ARHGEF10: variants seen among roughly 807,000 people sequenced by gnomAD.
The protein encoded by ARHGEF10 is Rho guanine nucleotide exchange factor 10, also known as Rho guanine nucleotide exchange factor (GEF) 10.
In ARHGEF10, 140 loss-of-function variants were observed where a neutral mutation model predicts 147.4. The observed-to-expected ratio is 0.95, with a 90% confidence interval of 0.83 to 1.09. The LOEUF (loss-of-function observed/expected upper bound fraction) is 1.09. ARHGEF10 is among the 50% of genes least tolerant of loss of function. The pLI is 0.00. For synonymous variants in ARHGEF10, 902 were observed against 695.8 expected (o/e 1.30, Z -4.67); for missense variants, 2,222 against 1,752.7 (o/e 1.27, Z -4.78).
intron 8 of ARHGEF10, among the ~76,000 whole-genome samples, chr8:1,879,242 C>G (rs1055632172): frequency 6.6e-6 from 1 of 152,080 alleles, no homozygotes; most frequent in African/African-American, 2.4e-5. Flanking sequence ...CAGGGGGTCC[C>G]CAGTCCCGTC....
intron 26 of ARHGEF10, among the ~76,000 whole-genome samples, chr8:1,945,148 G>T (rs1220808227): frequency 6.6e-6 from 1 of 152,230 alleles, no homozygotes; most frequent in Non-Finnish European, 1.5e-5. Flanking sequence ...AGCAGGTTCT[G>T]ATGGGCCTGG....
intron 1 of ARHGEF10, among the ~76,000 whole-genome samples, chr8:1,831,798 G>T (rs186366842): frequency 1.1e-3 from 165 of 152,368 alleles, no homozygotes; most frequent in Non-Finnish European, 1.9e-3. Flanking sequence ...TCACTTTTCA[G>T]TGTGTTGACT....
intron 1 of ARHGEF10, among the ~76,000 whole-genome samples, chr8:1,841,999 C>A (rs1468717427): frequency 1.4e-5 from 1 of 74,026 alleles, no homozygotes; most frequent in African/African-American, 4.8e-5. Context: ...GGGGCCGCGG[C>A]GGGAACTGGG....
At chr8:1,906,488 G>A (rs1251774815) in intron 17 of ARHGEF10, among the ~76,000 whole-genome samples, 2 of 152,142 alleles carry the variant, frequency 1.3e-5, no homozygotes, top group African/African-American at 4.8e-5. Flanking sequence ...GCTGTTAAAC[G>A]TTTGCCAGCA....
chr8:1,894,816 G>A (rs927465106), intron 13 of ARHGEF10, among the ~76,000 whole-genome samples: 2 of 152,202 alleles, frequency 1.3e-5, no homozygotes, highest in African/African-American at 4.8e-5. Flanking sequence ...CTGTATCTGA[G>A]GACATTTAAC....
intron 26 of ARHGEF10, among the ~76,000 whole-genome samples, chr8:1,940,539 G>T (rs1449123916): frequency 6.6e-6 from 1 of 152,174 alleles, no homozygotes; most frequent in African/African-American, 2.4e-5. Flanking sequence ...CTTCATTGGT[G>T]AATTCTAACC....
intron 25 of ARHGEF10, among the ~76,000 whole-genome samples, chr8:1,933,350 T>C (rs535038683): frequency 1.3e-5 from 2 of 152,352 alleles, no homozygotes; most frequent in East Asian, 3.9e-4. Context: ...TCATCTTCTC[T>C]GCTATTATTG....
chr8:1,934,063 A>T, intron 26 of ARHGEF10, 121 bp downstream of exon 26: 5 of 1,337,170 alleles, frequency 3.7e-6, no homozygotes, highest in Non-Finnish European at 5.2e-6. Context: ...AGCCGGGCAC[A>T]GTGGCTCATG....
Position 1,896,195 on chromosome 8 carries a change from A to G in ARHGEF10, c.1441-138A>G. On this transcript the variant is annotated intron_variant, in intron 13 of 28. Transcript: ENST00000349830. ...CTTAAAGAAAAAAAATCACACAGTC[A>G]TAATAAAGTTTATCTTATGAAAACA... 3.7e-6 allele frequency: 3 copies of G among 813,628 alleles called. No homozygotes were observed. The South Asian group carries it at 4.0e-5, about 11-fold the overall frequency. The allele number at this position is 813,628 out of a possible 1,614,324, so 50.4% of individuals were successfully genotyped here. A position where few individuals can be genotyped will look rare whatever the true frequency, so the allele number is the denominator to read the frequency against.
intron 15 of ARHGEF10, among the ~76,000 whole-genome samples, 191 bp downstream of exon 15, chr8:1,898,716 G>C (rs1333051565): frequency 6.6e-6 from 1 of 152,212 alleles, no homozygotes; most frequent in Non-Finnish European, 1.5e-5. Context: ...GCCGGGGGCA[G>C]CTGTAGGGCC....
chr8:1,934,169 T>C (rs900305562), intron 26 of ARHGEF10, among the ~76,000 whole-genome samples: 8 of 151,922 alleles, frequency 5.3e-5, no homozygotes, highest in Admixed American at 6.6e-5. Context: ...ATCCTGTCCC[T>C]ACAAAAAAAT....
chr8:1,945,394 C>T (rs562777101), intron 26 of ARHGEF10, 87 bp from the exon 27 acceptor site: 19 of 1,483,864 alleles, frequency 1.3e-5, no homozygotes, highest in East Asian at 1.2e-4. Context: ...CACTGAATGG[C>T]GCTCCAGCTG....
intron 1 of ARHGEF10, among the ~76,000 whole-genome samples, chr8:1,827,024 G>A (rs971711560): frequency 6.6e-6 from 1 of 152,222 alleles, no homozygotes. Context: ...GGGTCTGAGA[G>A]GCAGGGAGAG....
chr8:1,843,531 T>C, intron 2 of ARHGEF10, 95 bp downstream of exon 2: 1 of 924,462 alleles, frequency 1.1e-6, no homozygotes, highest in Non-Finnish European at 1.7e-6. Flanking sequence ...TGCTGGTCAC[T>C]GGGGTATGGG....
At chr8:1,876,298 T>C (rs1807692356) in intron 7 of ARHGEF10, 1 of 522,836 alleles carries the variant, frequency 1.9e-6, no homozygotes, top group Non-Finnish European at 3.4e-6. Context: ...CGGATGCCCA[T>C]AGCCAGGTGG....
rs376065961 is a variant in ARHGEF10 at position 1,957,591 on chromosome 8, G to A, written c.*328G>A. 1.0e-4 allele frequency: 41 copies of A among 394,840 alleles called. No individual in the cohort carries two copies. The East Asian group carries it at 2.0e-3, about 19-fold the overall frequency. 24.5% of individuals were successfully genotyped at this position (394,840 alleles called of 1,614,324 possible). On this transcript the variant is annotated 3_prime_UTR_variant, in exon 29 of 29. Coordinates refer to ENST00000349830, the MANE Select transcript of ARHGEF10 (RefSeq NM_014629.4). ...ATACTAAATGTTAAACTTCATCAGC[G>A]TCAGACCTATTGTATCATATTAGAG...
At chr8:1,879,912 G>C (rs923475349) in intron 8 of ARHGEF10, 136 bp from the exon 9 acceptor site, 3 of 759,954 alleles carry the variant, frequency 3.9e-6, no homozygotes, top group Admixed American at 1.8e-5. Context: ...ACTCTCGCGT[G>C]TGGTCCCAGA....
chr8:1,901,277 G>A (rs888512158), intron 15 of ARHGEF10, among the ~76,000 whole-genome samples: 3 of 152,094 alleles, frequency 2.0e-5, no homozygotes, highest in African/African-American at 4.8e-5. Flanking sequence ...ACAGTGTGGA[G>A]AGGCCTGGAC....
intron 4 of ARHGEF10, 76 bp downstream of exon 4, chr8:1,860,260 G>A: frequency 6.7e-7 from 1 of 1,495,402 alleles, no homozygotes; most frequent in Non-Finnish European, 9.1e-7. Context: ...AGTGGCCTGT[G>A]GTTCCCTCCT....
Sources: gnomAD v4.1 joint callset for allele counts (sites outside exome capture counted in the v4.1 genomes callset) on GRCh38, gnomAD v4.1.1 for gene constraint, MANE v1.5 for transcripts, NCBI Gene and HGNC (gene_info 2026-07-23, HGNC 2026-07-21) for gene names.